The following MYO1D variants were observed in gnomAD, a reference collection of about 807,000 sequenced individuals.
MYO1D encodes unconventional myosin-Id.
Under a neutral mutation model 122.0 loss-of-function variants are expected in MYO1D, and 83 were observed. The observed-to-expected ratio is 0.68, with a 90% confidence interval of 0.57 to 0.82. The LOEUF is 0.82. Among genes scored for constraint, MYO1D ranks in the 40% least tolerant of loss-of-function variants. The probability of loss-of-function intolerance (pLI) is 0.00; values close to 1 mark genes in which losing one functional copy is unlikely to be tolerated. For synonymous variants in MYO1D, 464 were observed against 446.9 expected, an observed-to-expected ratio of 1.04 and a Z score of -0.48; for missense variants, 1,157 against 1,269.5, an observed-to-expected ratio of 0.91 and a Z score of 1.35.
chr17:32,822,795 G>A (rs1441675104), intron 1 of MYO1D, among the ~76,000 whole-genome samples: 2 of 151,612 alleles, frequency 1.3e-5, no homozygotes, highest in Non-Finnish European at 2.9e-5. Context: ...ACCTCCGCTC[G>A]CGACCGCTCC....
At chr17:32,771,042 G>T in intron 6 of MYO1D, 83 bp downstream of exon 6, 1 of 1,049,106 alleles carries the variant, frequency 9.5e-7, no homozygotes. Context: ...AAGATAGCAG[G>T]CTTGACCAGA....
chr17:32,564,706 CA>C (rs1269591318), intron 21 of MYO1D, among the ~76,000 whole-genome samples: 13 of 152,310 alleles, frequency 8.5e-5, no homozygotes, highest in African/African-American at 3.1e-4. Flanking sequence ...GCAGTGAGCA[CA>C]AGACATAACA....
At chr17:32,644,668 G>A (rs146212173) in intron 19 of MYO1D, among the ~76,000 whole-genome samples, 16 of 152,180 alleles carry the variant, frequency 1.1e-4, no homozygotes, top group South Asian at 4.1e-4. Flanking sequence ...CCATTATGTA[G>A]TGGCCTTCTT....
chr17:32,825,778 C>T (rs1783519844), intron 1 of MYO1D, among the ~76,000 whole-genome samples: 3 of 152,000 alleles, frequency 2.0e-5, no homozygotes, highest in Non-Finnish European at 2.9e-5. Context: ...TAGCTCATGC[C>T]TCTAATCCCA....
intron 16 of MYO1D, among the ~76,000 whole-genome samples, chr17:32,663,943 T>C (rs1215580353): frequency 6.6e-6 from 1 of 152,202 alleles, no homozygotes; most frequent in Non-Finnish European, 1.5e-5. Context: ...TCAAAGTTGA[T>C]GGTATGGAGT....
Position 32,780,737 on chromosome 17 carries a change from G to T in MYO1D, c.143C>A (p.Ser48Tyr), listed in dbSNP as rs2090227978. Residue 48 changes from serine (S) to tyrosine (Y), a missense_variant, in exon 2 of 22, where the codon TCT (serine) becomes TAT (tyrosine). Coordinates refer to ENST00000318217, the MANE Select transcript of MYO1D (RefSeq NM_015194.3). ...IYTFIGEVVV[S>Y]VNPYKLLNIY... ...GTTCAACAACTTGTAAGGGTTCACA[G>T]AAACGACGACTTCTCCAATGAACGT... is the stretch of plus-strand genomic sequence containing the variant. 1.2e-5 allele frequency: 19 copies of T among 1,614,040 alleles called. No homozygotes were observed. The highest frequency in any genetic ancestry group is 1.6e-5 in the Non-Finnish European group (19 of 1,180,030).
At chr17:32,755,214 G>A (rs1027567918) in intron 11 of MYO1D, among the ~76,000 whole-genome samples, 3 of 152,186 alleles carry the variant, frequency 2.0e-5, no homozygotes, top group Non-Finnish European at 2.9e-5. Flanking sequence ...ATGACATCAT[G>A]CTTTCTAAAG....
At chr17:32,832,593 C>A (rs886834295) in intron 1 of MYO1D, among the ~76,000 whole-genome samples, 1 of 152,020 alleles carries the variant, frequency 6.6e-6, no homozygotes, top group East Asian at 1.9e-4. Flanking sequence ...CCACTGGGCC[C>A]GGCTCCTAAT....
At position 32,725,593 on chromosome 17, in the gene MYO1D, T is replaced by C. The variant is rs181114272; in HGVS notation, c.1747-4404A>G. ...AGAAGTTAGGTGAGAAGAAATTTTC[T>C]GGAATGAAGCATGGATAGATAAAAA... On this transcript the variant is annotated intron_variant, in intron 14 of 21. Coordinates refer to ENST00000318217, the MANE Select transcript of MYO1D (RefSeq NM_015194.3). Among the ~76,000 whole-genome samples the C allele has an allele frequency of 1.5e-4, 23 of 151,652 alleles. No individual in the cohort carries two copies. In the East Asian group the frequency reaches 4.1e-3, roughly 27 times the overall value.
intron 20 of MYO1D, among the ~76,000 whole-genome samples, chr17:32,630,313 C>A (rs1054197244): frequency 2.0e-5 from 3 of 152,170 alleles, no homozygotes; most frequent in African/African-American, 7.2e-5. Flanking sequence ...ATCTTCCCAT[C>A]TTGGCCTCCC....
chr17:32,741,809 C>G (rs913894436), intron 13 of MYO1D, among the ~76,000 whole-genome samples: 5 of 151,818 alleles, frequency 3.3e-5, no homozygotes, highest in African/African-American at 1.2e-4. Context: ...GTCAGGAGAT[C>G]GAGACCATCC....
chr17:32,539,258 G>A (rs899587462), intron 21 of MYO1D, among the ~76,000 whole-genome samples: 4 of 139,564 alleles, frequency 2.9e-5, no homozygotes, highest in African/African-American at 1.1e-4. Flanking sequence ...CCGAGGTGAC[G>A]TAGGAAGACC....
At chr17:32,614,475 G>A (rs979033721) in intron 20 of MYO1D, among the ~76,000 whole-genome samples, 2 of 152,062 alleles carry the variant, frequency 1.3e-5, no homozygotes, top group Non-Finnish European at 2.9e-5. Context: ...CTCTTTGATG[G>A]AGAACATTCT....
At position 32,780,755 on chromosome 17, in the gene MYO1D, A is replaced by G; in HGVS notation, c.125T>C (p.Ile42Thr). ...GTTCACAGAAACGACGACTTCTCCA[A>G]TGAACGTATAGATGCGCCCTTTTTC... ...RFEKGRIYTF[I>T]GEVVVSVNPY... The change falls in exon 2 of 22, where the codon ATT becomes ACT. Residue 42 changes from isoleucine (I) to threonine (T), a missense_variant. Transcript: ENST00000318217. The G allele has an allele frequency of 8.7e-6, 14 of 1,614,226 alleles. No homozygotes were observed. Among genetic ancestry groups the G allele is most frequent in the Non-Finnish European group, 1.1e-5 (13 of 1,180,032 alleles).
chr17:32,592,758 G>C (rs8065865), intron 21 of MYO1D, among the ~76,000 whole-genome samples: 3,771 of 151,822 alleles, frequency 0.025, 160 homozygotes, highest in African/African-American at 0.086. Context: ...GTAGGGGCAA[G>C]GAAAAAGACT....
chr17:32,664,695 G>T (rs948807648), intron 16 of MYO1D, among the ~76,000 whole-genome samples: 1 of 152,150 alleles, frequency 6.6e-6, no homozygotes, highest in Non-Finnish European at 1.5e-5. Context: ...TCTCAGAAAA[G>T]AGGACAGCGG....
chr17:32,761,552 T>C (rs777212835), intron 8 of MYO1D, among the ~76,000 whole-genome samples: 2 of 152,230 alleles, frequency 1.3e-5, no homozygotes, highest in African/African-American at 2.4e-5. Context: ...TCTCCTCTTC[T>C]ACCTGACTTG....
chr17:32,823,082 A>G (rs2090689085), intron 1 of MYO1D, among the ~76,000 whole-genome samples: 1 of 152,214 alleles, frequency 6.6e-6, no homozygotes, highest in South Asian at 2.1e-4. Flanking sequence ...ACATTCAGGA[A>G]GGGGTGATCA....
chr17:32,504,448 G>C (rs1468555280), intron 21 of MYO1D: 4 of 152,182 alleles, frequency 2.6e-5, no homozygotes, highest in Non-Finnish European at 5.9e-5. Flanking sequence ...CAAGCTCGTG[G>C]ATGCTAGTGC....
Sources: allele counts gnomAD v4.1 joint callset (sites outside exome capture counted in the v4.1 genomes callset), GRCh38; gene constraint gnomAD v4.1.1; transcripts MANE v1.5; gene names NCBI Gene and HGNC (gene_info 2026-07-23, HGNC 2026-07-21).